The following PUM2 variants were observed in gnomAD, a reference collection of about 807,000 sequenced individuals.
PUM2 encodes the protein pumilio RNA binding family member 2.
Under a neutral mutation model 124.5 loss-of-function variants are expected in PUM2, and 57 were observed. That is an observed-to-expected ratio of 0.46 (90% CI 0.37 to 0.57). The LOEUF is 0.57. Among genes scored for constraint, PUM2 ranks in the 20% least tolerant of loss-of-function variants. The probability of loss-of-function intolerance (pLI) is 0.00; values close to 1 mark genes in which losing one functional copy is unlikely to be tolerated. For synonymous variants in PUM2, 460 were observed against 446.1 expected (o/e 1.03, Z -0.39); for missense variants, 1,065 against 1,290.6 (o/e 0.83, Z 2.68).
At chr2:20,304,037 T>C (rs887706900) in intron 7 of PUM2, among the ~76,000 whole-genome samples, 1 of 152,216 alleles carries the variant, frequency 6.6e-6, no homozygotes, top group Non-Finnish European at 1.5e-5. Context: ...CATGAGAGTT[T>C]CTCTTGCACT....
In PUM2 at chr2:20,251,449, G is replaced by A; in HGVS notation, c.*136C>T. ...CAAGAACCTTAAAAAATTTACAAATGGATGAATAAAGTCAATAAATAGTTT... is the reference window on the plus strand; with the variant it reads ...CAAGAACCTTAAAAAATTTACAAATAGATGAATAAAGTCAATAAATAGTTT... On this transcript the variant is annotated 3_prime_UTR_variant, in exon 21 of 21. Coordinates refer to ENST00000361078, the MANE Select transcript of PUM2 (RefSeq NM_015317.5). The A allele has an allele frequency of 1.9e-6, 2 of 1,065,270 alleles. No homozygotes were observed. The highest frequency in any genetic ancestry group is 2.6e-6 in the Non-Finnish European group (2 of 761,780). The allele number at this position is 1,065,270 out of a possible 1,614,324, so 66.0% of individuals were successfully genotyped here.
chr2:20,251,782 C>A, intron 20 of PUM2, 66 bp from the exon 21 acceptor site: 1 of 1,547,000 alleles, frequency 6.5e-7, no homozygotes, highest in Non-Finnish European at 8.8e-7. Flanking sequence ...TAAAAAAGCA[C>A]CCCCAATTCT....
At chr2:20,262,674 G>C (rs547128330) in intron 14 of PUM2, among the ~76,000 whole-genome samples, 3 of 152,300 alleles carry the variant, frequency 2.0e-5, no homozygotes, top group South Asian at 4.1e-4. Flanking sequence ...TATCAAATGT[G>C]TTACAATTCT....
intron 1 of PUM2, among the ~76,000 whole-genome samples, chr2:20,339,833 T>C (rs1686883052): frequency 6.6e-6 from 1 of 152,138 alleles, no homozygotes; most frequent in Non-Finnish European, 1.5e-5. Flanking sequence ...TGAGCCGAGA[T>C]CATGTGAGCC....
intron 9 of PUM2, 86 bp from the exon 10 acceptor site, chr2:20,290,876 A>T: frequency 9.1e-7 from 1 of 1,100,496 alleles, no homozygotes; most frequent in South Asian, 2.2e-5. Flanking sequence ...TTTATTACAA[A>T]CAGCCTTTGG....
chr2:20,312,115 T>C, intron 4 of PUM2, 121 bp downstream of exon 4: 1 of 892,164 alleles, frequency 1.1e-6, no homozygotes, highest in Non-Finnish European at 1.6e-6. Context: ...GCAATAATAG[T>C]TACAAAATTT....
chr2:20,261,403 A>AAAAG (rs1666215126), intron 14 of PUM2, among the ~76,000 whole-genome samples: 1 of 62,738 alleles, frequency 1.6e-5, no homozygotes, highest in African/African-American at 5.5e-5. Flanking sequence ...CCAAAAAAAA[A>AAAAG]AAAAAAAAAA....
intron 1 of PUM2, among the ~76,000 whole-genome samples, chr2:20,332,282 A>AGAGT (rs1346037244): frequency 4.5e-4 from 66 of 145,372 alleles, no homozygotes; most frequent in African/African-American, 1.0e-3. Context: ...ATACTACTAG[A>AGAGT]GTGTGTGTGT....
chr2:20,319,195 T>C (rs2148726109), intron 2 of PUM2, among the ~76,000 whole-genome samples: 1 of 152,378 alleles, frequency 6.6e-6, no homozygotes, highest in South Asian at 2.1e-4. Flanking sequence ...CTCAAGGCCC[T>C]GTGCTCTATC....
At position 20,347,811 on chromosome 2, in the gene PUM2, T is replaced by A. The variant is rs553508490; in HGVS notation, c.-19+2786A>T. ...ATTCTAACCCAGTCACAAGTAGCAC[T>A]GGACAACTACTGTCCTCTGGAAATG... On this transcript the variant is annotated intron_variant, in intron 1 of 20. Coordinates refer to ENST00000361078, the MANE Select transcript of PUM2 (RefSeq NM_015317.5). 3.9e-5 allele frequency among the ~76,000 whole-genome samples: 6 copies of A among 152,188 alleles called. No individual in the cohort carries two copies. The East Asian group carries it at 7.7e-4, about 19-fold the overall frequency.
chr2:20,319,034 T>C (rs1372259273), intron 2 of PUM2, among the ~76,000 whole-genome samples: 1 of 152,208 alleles, frequency 6.6e-6, no homozygotes, highest in Non-Finnish European at 1.5e-5. Flanking sequence ...CCTCCTATCA[T>C]ATCTTCTAGA....
At chr2:20,311,090 G>C (rs1462146512) in intron 5 of PUM2, among the ~76,000 whole-genome samples, 3 of 151,844 alleles carry the variant, frequency 2.0e-5, no homozygotes, top group Non-Finnish European at 4.4e-5. Flanking sequence ...ATGGGAGGCA[G>C]GGCATATATA....
At chr2:20,278,378 AG>A (rs1173018687) in intron 13 of PUM2, among the ~76,000 whole-genome samples, 1 of 152,146 alleles carries the variant, frequency 6.6e-6, no homozygotes, top group Non-Finnish European at 1.5e-5. Flanking sequence ...AAGAAACAAT[AG>A]GGGGGTCTTT....
At position 20,336,517 on chromosome 2, in the gene PUM2, A is replaced by AT. The variant is rs1224375302; in HGVS notation, c.-18-9140dup. ...AAGTGGTTCTAAAGTTAAAGATATA[A>AT]TTTTTTTTTTTTTTAAAGAGACAGG... On this transcript the variant is annotated intron_variant, in intron 1 of 20. Transcript: ENST00000361078. Among the ~76,000 whole-genome samples the AT allele has an allele frequency of 5.7e-3, 813 of 143,784 alleles. 7 individuals are homozygous for AT. Among genetic ancestry groups the AT allele is most frequent in the African/African-American group, 0.017 (661 of 39,480 alleles). The allele number at this position is 143,784 out of a possible 152,430, so 94.3% of individuals were successfully genotyped here.
At chr2:20,266,049 C>T (rs1667567296) in intron 13 of PUM2, among the ~76,000 whole-genome samples, 1 of 152,126 alleles carries the variant, frequency 6.6e-6, no homozygotes, top group South Asian at 2.1e-4. Flanking sequence ...AACTCCTGTG[C>T]ACATCGTATA....
intron 1 of PUM2, among the ~76,000 whole-genome samples, chr2:20,330,331 G>A (rs1684641256): frequency 6.6e-6 from 1 of 152,216 alleles, no homozygotes; most frequent in African/African-American, 2.4e-5. Flanking sequence ...GGAATCACTG[G>A]AGTGATGAGT....
chr2:20,293,338 T>C (rs1674692938), intron 9 of PUM2, among the ~76,000 whole-genome samples: 1 of 152,226 alleles, frequency 6.6e-6, no homozygotes, highest in African/African-American at 2.4e-5. Flanking sequence ...GATTACAAAA[T>C]AATTTATTAA....
rs1453474401 is a variant in PUM2, at chr2:20,269,911, CTAAG to C, written c.1958-6455_1958-6452del. Among the ~76,000 whole-genome samples, 7 of 152,138 alleles carry C rather than the reference CTAAG, an allele frequency of 4.6e-5. No individual in the cohort carries two copies. The South Asian group carries it at 6.2e-4, about 13-fold the overall frequency. ...ATTCATCAAGGGGAATTTAAACAGA[CTAAG>C]TAATAACATACTTAGTTAACATAAC... On this transcript the variant is annotated intron_variant, in intron 13 of 20. Coordinates refer to ENST00000361078, the MANE Select transcript of PUM2 (RefSeq NM_015317.5).
At chr2:20,316,498 T>TA (rs201238750) in intron 3 of PUM2, among the ~76,000 whole-genome samples, 3,781 of 142,188 alleles carry the variant, frequency 0.027, 106 homozygotes, top group East Asian at 0.074. Flanking sequence ...TGTATTAACT[T>TA]AAAAAAAAAA....
Sources: gnomAD v4.1 joint callset for allele counts (sites outside exome capture counted in the v4.1 genomes callset) on GRCh38, gnomAD v4.1.1 for gene constraint, MANE v1.5 for transcripts, NCBI Gene and HGNC (gene_info 2026-07-23, HGNC 2026-07-21) for gene names.